The following DNAH11 variants were observed in gnomAD, a reference collection of about 807,000 sequenced individuals.
The protein encoded by DNAH11 is axonemal beta dynein heavy chain 11.
A neutral mutation model predicts 526.0 loss-of-function variants in DNAH11; 442 were observed. The observed-to-expected ratio is 0.84, with a 90% confidence interval of 0.78 to 0.91. The LOEUF is 0.91. Among genes scored for constraint, DNAH11 ranks in the 40% least tolerant of loss-of-function variants. The pLI is 0.00. For missense variants in DNAH11, 6,989 were observed against 5,448.7 expected (o/e 1.28, Z -8.90); for synonymous variants, 2,461 against 1,935.9 (o/e 1.27, Z -7.12).
chr7:21,734,948 G>A (rs553966242), intron 45 of DNAH11, among the ~76,000 whole-genome samples: 1 of 152,020 alleles, frequency 6.6e-6, no homozygotes, highest in Non-Finnish European at 1.5e-5. Flanking sequence ...GAGGCGGGTG[G>A]ATCACAAGGT....
intron 35 of DNAH11, among the ~76,000 whole-genome samples, chr7:21,696,644 T>G (rs2128476681): frequency 6.6e-6 from 1 of 152,334 alleles, no homozygotes; most frequent in Middle Eastern, 3.4e-3. Flanking sequence ...TTTAATAACT[T>G]TTGTTTAATG....
Position 21,559,774 on chromosome 7 carries a change from G to C in DNAH11, c.864G>C (p.Leu288=). The C allele has an allele frequency of 6.2e-7, 1 of 1,600,520 alleles. No individual in the cohort carries two copies. Among genetic ancestry groups the C allele is most frequent in the Non-Finnish European group, 8.5e-7 (1 of 1,172,636 alleles). ...LDFWMMRREN[L]SCIYDQLQAP... ...TCTGGATGATGAGGAGAGAAAATCT[G>C]TCATGCATTTATGATCAAGTAAGTA... Residue 288 remains leucine (L), a synonymous_variant, in exon 4 of 82, where the codon CTG becomes CTC. Transcript: ENST00000409508.
At chr7:21,636,214 T>A (rs1177453428) in intron 26 of DNAH11, 119 bp downstream of exon 26, 2 of 821,738 alleles carry the variant, frequency 2.4e-6, no homozygotes, top group African/African-American at 3.5e-5. Context: ...GTCAGGAGAC[T>A]TTTCCTGCAA....
At chr7:21,777,434 A>G (rs1397744298) in intron 56 of DNAH11, among the ~76,000 whole-genome samples, 1 of 152,088 alleles carries the variant, frequency 6.6e-6, no homozygotes, top group African/African-American at 2.4e-5. Context: ...ACAAACAACC[A>G]AAAATGAAAT....
chr7:21,711,962 T>A, intron 42 of DNAH11, 102 bp downstream of exon 42: 1 of 1,326,096 alleles, frequency 7.5e-7, no homozygotes, highest in Non-Finnish European at 1.0e-6. Flanking sequence ...TGCACAGCTG[T>A]CACCACCATC....
intron 35 of DNAH11, 33 bp from the exon 36 acceptor site, chr7:21,698,042 A>G (rs1261941230): frequency 1.9e-6 from 3 of 1,582,472 alleles, no homozygotes; most frequent in African/African-American, 2.7e-5. Flanking sequence ...ACCTTGTCAC[A>G]TTTTAAAACT....
chr7:21,575,968 GT>G (rs1784079031), intron 8 of DNAH11, among the ~76,000 whole-genome samples: 1 of 152,104 alleles, frequency 6.6e-6, no homozygotes, highest in South Asian at 2.1e-4. Context: ...AGATATCATT[GT>G]TTAAAATTTT....
intron 28 of DNAH11, among the ~76,000 whole-genome samples, chr7:21,651,524 T>A (rs1781773209): frequency 6.6e-6 from 1 of 152,174 alleles, no homozygotes; most frequent in Admixed American, 6.5e-5. Flanking sequence ...CACTTTTCCC[T>A]TTGTTTTCTA....
At chr7:21,684,437 G>A (rs1783283586) in intron 32 of DNAH11, among the ~76,000 whole-genome samples, 1 of 152,220 alleles carries the variant, frequency 6.6e-6, no homozygotes, top group South Asian at 2.1e-4. Flanking sequence ...TTTCTAGTAA[G>A]TGGGGGTAAA....
Position 21,805,348 on chromosome 7 carries a change from T to C in DNAH11, c.10166-2535T>C, listed in dbSNP as rs74417751. Among the ~76,000 whole-genome samples the C allele has an allele frequency of 8.9e-3, 1,362 of 152,276 alleles. 22 individuals are homozygous for C. The highest frequency in any genetic ancestry group is 0.031 in the African/African-American group (1,288 of 41,570). On this transcript the variant is annotated intron_variant, in intron 62 of 81. Transcript: ENST00000409508. Reference sequence around the variant, plus strand: ...TTCGCAAGAACAGGAAACTTCACCATTTTTTGTGGACTGCTTGATCCCAAG... The same window carrying C: ...TTCGCAAGAACAGGAAACTTCACCACTTTTTGTGGACTGCTTGATCCCAAG...
intron 32 of DNAH11, among the ~76,000 whole-genome samples, chr7:21,685,740 A>T (rs1278233525): frequency 6.6e-6 from 1 of 152,192 alleles, no homozygotes. Context: ...TGGGTATCTC[A>T]CTGTCCAGAG....
chr7:21,846,265 A>C (rs1337379081), intron 66 of DNAH11, among the ~76,000 whole-genome samples: 1 of 152,122 alleles, frequency 6.6e-6, no homozygotes, highest in African/African-American at 2.4e-5. Flanking sequence ...TTCTAGTACA[A>C]TGTTGAGTAG....
At chr7:21,670,040 C>T (rs549110161) in intron 30 of DNAH11, among the ~76,000 whole-genome samples, 1 of 152,216 alleles carries the variant, frequency 6.6e-6, no homozygotes, top group East Asian at 1.9e-4. Context: ...ACAACTCTTA[C>T]ATCACATTGT....
intron 66 of DNAH11, chr7:21,851,572 A>G: frequency 4.2e-6 from 2 of 471,586 alleles, no homozygotes; most frequent in South Asian, 1.5e-5. Context: ...TACTTTTCCC[A>G]TCCTTAGCCC....
At chr7:21,688,176 A>G (rs1351673490) in intron 34 of DNAH11, among the ~76,000 whole-genome samples, 1 of 152,094 alleles carries the variant, frequency 6.6e-6, no homozygotes, top group Non-Finnish European at 1.5e-5. Flanking sequence ...TGCATGATAT[A>G]CTTTCTTCAC....
chr7:21,795,478 C>G (rs1391803031), intron 61 of DNAH11, among the ~76,000 whole-genome samples: 2 of 152,226 alleles, frequency 1.3e-5, no homozygotes, highest in Admixed American at 6.5e-5. Context: ...TGCGAACTCT[C>G]ATTTCCTTTC....
chr7:21,605,186 C>G (rs982770291), intron 18 of DNAH11, among the ~76,000 whole-genome samples: 8 of 152,180 alleles, frequency 5.3e-5, no homozygotes, highest in African/African-American at 1.2e-4. Context: ...GTGCGTTTTT[C>G]CATAACTGGC....
intron 2 of DNAH11, among the ~76,000 whole-genome samples, chr7:21,551,370 A>C (rs1308192104): frequency 3.3e-5 from 5 of 152,088 alleles, no homozygotes; most frequent in Non-Finnish European, 5.9e-5. Flanking sequence ...AGCTATGGTT[A>C]CCTCTGCTGG....
Position 21,711,485 on chromosome 7 carries a change from C to A in DNAH11, c.6835-227C>A, listed in dbSNP as rs190190473. ...ATATTTGGCTTAGCAATAAAAATTA[C>A]TACAATTATGTAAAGGTCGACATTC... On this transcript the variant is annotated intron_variant, in intron 41 of 81. Transcript: ENST00000409508. 3.3e-5 allele frequency among the ~76,000 whole-genome samples: 5 copies of A among 152,282 alleles called. No individual in the cohort carries two copies. The East Asian group carries it at 9.6e-4, about 29-fold the overall frequency.
Sources: gnomAD v4.1 joint callset for allele counts (sites outside exome capture counted in the v4.1 genomes callset) on GRCh38, gnomAD v4.1.1 for gene constraint, MANE v1.5 for transcripts, NCBI Gene and HGNC (gene_info 2026-07-23, HGNC 2026-07-21) for gene names.